LGR4: variants seen among roughly 807,000 people sequenced by gnomAD.
The protein encoded by LGR4 is leucine rich repeat containing G protein-coupled receptor 4.
LGR4 carries 44 observed loss-of-function variants against 84.8 expected under a neutral mutation model. That is an observed-to-expected ratio of 0.52 (90% CI 0.41 to 0.67). The LOEUF (loss-of-function observed/expected upper bound fraction) is 0.67, where lower values mean the gene tolerates loss of function less well. LGR4 is among the 30% of genes least tolerant of loss of function. The pLI is 0.00. For missense variants in LGR4, 1,032 were observed against 1,131.4 expected, an observed-to-expected ratio of 0.91 and a Z score of 1.26; for synonymous variants, 429 against 434.3, an observed-to-expected ratio of 0.99 and a Z score of 0.15.
intron 2 of LGR4, among the ~76,000 whole-genome samples, chr11:27,407,378 A>T (rs923226084): frequency 4.6e-5 from 7 of 152,098 alleles, no homozygotes; most frequent in African/African-American, 1.7e-4. Context: ...AATGACTTGA[A>T]TCAGATGAAC....
chr11:27,470,451 TG>T (rs1396440280), intron 1 of LGR4, among the ~76,000 whole-genome samples: 1 of 152,206 alleles, frequency 6.6e-6, no homozygotes, highest in Non-Finnish European at 1.5e-5. Context: ...AGTAAAATTG[TG>T]CTTTTCTATT....
intron 1 of LGR4, among the ~76,000 whole-genome samples, chr11:27,415,738 G>A (rs1229532828): frequency 1.3e-5 from 2 of 152,062 alleles, no homozygotes; most frequent in African/African-American, 4.8e-5. Flanking sequence ...TTGGGTGTGG[G>A]GGCAGTGGTG....
intron 2 of LGR4, among the ~76,000 whole-genome samples, chr11:27,406,417 T>C (rs973004507): frequency 1.3e-5 from 2 of 152,178 alleles, no homozygotes; most frequent in Non-Finnish European, 2.9e-5. Context: ...TAATGAGCTA[T>C]GTAAACTTGG....
intron 2 of LGR4, among the ~76,000 whole-genome samples, chr11:27,399,815 G>A (rs867231796): frequency 9.2e-5 from 14 of 152,084 alleles, no homozygotes; most frequent in African/African-American, 1.4e-4. Context: ...CACCGCACCC[G>A]GCTGGCAACT....
chr11:27,409,663 C>T (rs1863673904), intron 2 of LGR4, among the ~76,000 whole-genome samples: 1 of 152,152 alleles, frequency 6.6e-6, no homozygotes, highest in South Asian at 2.1e-4. Context: ...CGTCTCCTGA[C>T]ATTTTTCCAT....
At chr11:27,420,907 T>C (rs1863913438) in intron 1 of LGR4, among the ~76,000 whole-genome samples, 1 of 152,104 alleles carries the variant, frequency 6.6e-6, no homozygotes, top group African/African-American at 2.4e-5. Context: ...TCCAAAAAGA[T>C]AAGACCACCA....
intron 6 of LGR4, 190 bp downstream of exon 6, chr11:27,384,146 C>A: frequency 2.0e-6 from 1 of 492,078 alleles, no homozygotes. Flanking sequence ...TCACACTTTG[C>A]CATTTTTAGC....
At chr11:27,403,422 A>G (rs1863542534) in intron 2 of LGR4, among the ~76,000 whole-genome samples, 1 of 152,200 alleles carries the variant, frequency 6.6e-6, no homozygotes, top group African/African-American at 2.4e-5. Flanking sequence ...TAGCCTGGAC[A>G]ATAGAGTGAG....
rs774852798 is a variant in LGR4 at position 27,392,531 on chromosome 11, A to T, written c.258-13T>A. 1.9e-6 allele frequency: 3 copies of T among 1,559,500 alleles called. No individual in the cohort carries two copies. The highest frequency in any genetic ancestry group is 2.6e-6 in the Non-Finnish European group (3 of 1,158,336). On this transcript the variant is annotated splice_polypyrimidine_tract_variant and intron_variant, in intron 2 of 17. Coordinates refer to ENST00000379214, the MANE Select transcript of LGR4 (RefSeq NM_018490.5). ...GCCCGCCAATTGTCTAGAGAAAAAA[A>T]AAAAAAAAGTAGCAAGAAAAAAATA...
At chr11:27,393,120 A>C (rs1350147076) in intron 2 of LGR4, among the ~76,000 whole-genome samples, 4 of 152,228 alleles carry the variant, frequency 2.6e-5, no homozygotes, top group Non-Finnish European at 5.9e-5. Context: ...TAAAAGTAGA[A>C]TAAGGAAAGG....
At chr11:27,452,581 AT>A (rs34247211) in intron 1 of LGR4, among the ~76,000 whole-genome samples, 60,967 of 147,880 alleles carry the variant, frequency 0.41, 14,623 homozygotes, top group East Asian at 0.61. Context: ...TAATTTTGTC[AT>A]TTATAGTAAA....
intron 1 of LGR4, among the ~76,000 whole-genome samples, chr11:27,422,998 C>T (rs772578472): frequency 6.6e-6 from 1 of 152,048 alleles, no homozygotes; most frequent in Non-Finnish European, 1.5e-5. Context: ...ACATTAACAT[C>T]GTGACATTTT....
In LGR4 at chr11:27,373,958, C is replaced by T. The variant is rs1477626549; in HGVS notation, c.1253+17G>A. 1 of 1,546,246 alleles carries T rather than the reference C, an allele frequency of 6.5e-7. No individual in the cohort carries two copies. Among genetic ancestry groups the T allele is most frequent in the Non-Finnish European group, 8.9e-7 (1 of 1,118,438 alleles). On this transcript the variant is annotated intron_variant, in intron 14 of 17. Coordinates refer to ENST00000379214, the MANE Select transcript of LGR4 (RefSeq NM_018490.5). ...AGTTACTACTTTCATGACATTACTG[C>T]ATAATCATCCACTTACAGGTTAGTT...
intron 1 of LGR4, among the ~76,000 whole-genome samples, chr11:27,466,026 C>G (rs746998753): frequency 2.0e-5 from 3 of 152,192 alleles, no homozygotes; most frequent in Admixed American, 6.5e-5. Context: ...TTGCCAACAA[C>G]TTGAAGGCCG....
intron 1 of LGR4, among the ~76,000 whole-genome samples, chr11:27,432,725 C>T (rs1864135477): frequency 6.6e-6 from 1 of 152,274 alleles, no homozygotes; most frequent in Middle Eastern, 3.4e-3. Flanking sequence ...AACTCCTCTC[C>T]ACCCACTGGA....
intron 1 of LGR4, among the ~76,000 whole-genome samples, chr11:27,429,736 A>C (rs895178450): frequency 1.3e-5 from 2 of 152,214 alleles, no homozygotes; most frequent in African/African-American, 4.8e-5. Context: ...TCTGGAATAG[A>C]ACAAAGAAAA....
In LGR4 at chr11:27,384,316, CA is replaced by C; in HGVS notation, c.689+19del. ...CTTTCAATATCACAATGCAGTTGCC[CA>C]AAATATGAATATACTTACAAGGTCT... is the stretch of plus-strand genomic sequence containing the variant. On this transcript the variant is annotated intron_variant, in intron 6 of 17. Coordinates refer to ENST00000379214, the MANE Select transcript of LGR4 (RefSeq NM_018490.5). The C allele has an allele frequency of 6.5e-7, 1 of 1,534,492 alleles. No individual in the cohort carries two copies. The highest frequency in any genetic ancestry group is 1.1e-5 in the South Asian group (1 of 87,342).
chr11:27,459,097 A>T (rs1288500286), intron 1 of LGR4, among the ~76,000 whole-genome samples: 5 of 152,200 alleles, frequency 3.3e-5, no homozygotes, highest in Non-Finnish European at 7.3e-5. Context: ...GAAAGGCAAT[A>T]ATTTCTTTTA....
intron 7 of LGR4, among the ~76,000 whole-genome samples, chr11:27,381,706 C>A (rs201008225): frequency 4.0e-5 from 6 of 150,442 alleles, no homozygotes; most frequent in African/African-American, 9.8e-5. Context: ...TACAAACAAT[C>A]AAAAAAAAAA....
Sources: gnomAD v4.1 joint callset for allele counts (sites outside exome capture counted in the v4.1 genomes callset) on GRCh38, gnomAD v4.1.1 for gene constraint, MANE v1.5 for transcripts, NCBI Gene and HGNC (gene_info 2026-07-23, HGNC 2026-07-21) for gene names.